GRIK4: variants seen among roughly 807,000 people sequenced by gnomAD.
GRIK4 encodes the protein glutamate ionotropic receptor kainate type subunit 4.
Under a neutral mutation model 104.9 loss-of-function variants are expected in GRIK4, and 40 were observed. The observed-to-expected ratio is 0.38, with a 90% CI of 0.30 to 0.50. The LOEUF is 0.50. Among genes scored for constraint, GRIK4 ranks in the 20% least tolerant of loss-of-function variants. The pLI, the probability that GRIK4 is intolerant of heterozygous loss-of-function variation, is 0.93. For synonymous variants in GRIK4, 485 were observed against 524.9 expected, an observed-to-expected ratio of 0.92 and a Z score of 1.04; for missense variants, 1,047 against 1,308.1, an observed-to-expected ratio of 0.80 and a Z score of 3.08.
intron 3 of GRIK4, among the ~76,000 whole-genome samples, chr11:120,772,238 C>CA (rs553072828): frequency 4.1e-4 from 62 of 151,614 alleles, no homozygotes; most frequent in Admixed American, 6.6e-4. Flanking sequence ...AAACAAAAAA[C>CA]AAAAAAAACC....
At chr11:120,672,693 T>G (rs1565287166) in intron 3 of GRIK4, among the ~76,000 whole-genome samples, 1 of 151,752 alleles carries the variant, frequency 6.6e-6, no homozygotes, top group African/African-American at 2.4e-5. Context: ...TTGTAGCAAT[T>G]GTGAATGCGA....
intron 1 of GRIK4, among the ~76,000 whole-genome samples, chr11:120,650,252 C>T (rs556893562): frequency 3.3e-5 from 5 of 152,352 alleles, no homozygotes; most frequent in African/African-American, 1.2e-4. Context: ...GCCCTCAATG[C>T]AGAGCCTTAT....
chr11:120,670,263 T>TG (rs1949991735), intron 3 of GRIK4, among the ~76,000 whole-genome samples: 1 of 148,156 alleles, frequency 6.7e-6, no homozygotes, highest in Admixed American at 6.6e-5. Flanking sequence ...GCCTCTTTCT[T>TG]GCCCCTCACT....
chr11:120,917,247 CAA>C (rs199620498), intron 13 of GRIK4, among the ~76,000 whole-genome samples: 71 of 34,788 alleles, frequency 2.0e-3, no homozygotes, highest in African/African-American at 6.4e-3. Context: ...AACTCCGTCT[CAA>C]AAAAAAAAAA....
At position 120,874,076 on chromosome 11, in the gene GRIK4, C is replaced by T; in HGVS notation, c.917C>T (p.Ala306Val). The T allele has an allele frequency of 2.5e-6, 4 of 1,608,182 alleles. No individual in the cohort carries two copies. Among genetic ancestry groups the T allele is most frequent in the Non-Finnish European group, 2.6e-6 (3 of 1,175,152 alleles). Reference sequence around the variant, plus strand: ...CCCGGCCTCTCCCAGCTCTCCTCGGCCCTGCTGTTTGATGCTGTCTATGCT... The same window carrying T: ...CCCGGCCTCTCCCAGCTCTCCTCGGTCCTGCTGTTTGATGCTGTCTATGCT... ...VPFTGPALSSALLFDAVYAVV... is the reference protein window; with the variant it reads ...VPFTGPALSSVLLFDAVYAVV... Residue 306 changes from alanine to valine, a missense_variant, in exon 10 of 21, where the codon GCC (alanine) becomes GTC (valine). Coordinates refer to ENST00000527524, the MANE Select transcript of GRIK4 (RefSeq NM_014619.5).
At position 120,700,172 on chromosome 11, in the gene GRIK4, A is replaced by G. The variant is rs187520170; in HGVS notation, c.82+39772A>G. 6.9e-3 allele frequency among the ~76,000 whole-genome samples: 1,056 copies of G among 152,252 alleles called. 6 individuals carry two copies. Among genetic ancestry groups the G allele is most frequent in the Middle Eastern group, 0.027 (8 of 294 alleles). ...GCTGCTAAAATCTACTTATTTAACAAAAACTCCTACTATAGTTACGTGCCA... is the reference window on the plus strand; with the variant it reads ...GCTGCTAAAATCTACTTATTTAACAGAAACTCCTACTATAGTTACGTGCCA... On this transcript the variant is annotated intron_variant, in intron 3 of 20. Coordinates refer to ENST00000527524, the MANE Select transcript of GRIK4 (RefSeq NM_014619.5).
At chr11:120,586,258 G>A (rs1948661515) in intron 1 of GRIK4, among the ~76,000 whole-genome samples, 1 of 152,086 alleles carries the variant, frequency 6.6e-6, no homozygotes, top group South Asian at 2.1e-4. Context: ...AGATAATCTA[G>A]GGGGTGGTTT....
chr11:120,682,997 C>CT (rs1170483355), intron 3 of GRIK4, among the ~76,000 whole-genome samples: 3 of 151,828 alleles, frequency 2.0e-5, no homozygotes, highest in Middle Eastern at 3.2e-3. Context: ...ACTGCTCCCC[C>CT]TCTCTCTTGT....
At chr11:120,897,149 T>C (rs535926752) in intron 11 of GRIK4, among the ~76,000 whole-genome samples, 122 of 151,558 alleles carry the variant, frequency 8.0e-4, no homozygotes, top group African/African-American at 2.9e-3. Flanking sequence ...ACCCCATGTC[T>C]TATTAAAAAA....
chr11:120,744,630 C>T (rs1004874719), intron 3 of GRIK4, among the ~76,000 whole-genome samples: 2 of 151,950 alleles, frequency 1.3e-5, no homozygotes, highest in African/African-American at 4.8e-5. Context: ...CAGGAGGAGA[C>T]ACGGGTAGGG....
At position 120,831,863 on chromosome 11, in the gene GRIK4, C is replaced by G; in HGVS notation, c.523C>G (p.Leu175Val). The change falls in exon 7 of 21, where the codon CTA becomes GTA. Residue 175 changes from leucine to valine, a missense_variant. Transcript: ENST00000527524. The stretch of plus-strand genomic sequence containing the variant: ...TCTCTCCCCTCCAGGCCTTTTAAAC[C>G]TAGAGAAGCTGCTCCGGCAATTCCT... ...ICAKAECLLNLEKLLRQFLIS... is the reference protein window; with the variant it reads ...ICAKAECLLNVEKLLRQFLIS... 2 of 1,613,564 alleles carry G rather than the reference C, an allele frequency of 1.2e-6. No homozygotes were observed. Among genetic ancestry groups the G allele is most frequent in the Non-Finnish European group, 1.7e-6 (2 of 1,179,664 alleles).
chr11:120,594,723 G>A (rs1948778630), intron 1 of GRIK4, among the ~76,000 whole-genome samples: 1 of 152,142 alleles, frequency 6.6e-6, no homozygotes, highest in Non-Finnish European at 1.5e-5. Flanking sequence ...TTCAGGGAAG[G>A]TGTGCCCTCC....
At chr11:120,615,145 G>A (rs966402577) in intron 1 of GRIK4, among the ~76,000 whole-genome samples, 1 of 152,202 alleles carries the variant, frequency 6.6e-6, no homozygotes, top group Non-Finnish European at 1.5e-5. Flanking sequence ...ATCCCATGAA[G>A]CAGGTGTTGT....
intron 3 of GRIK4, among the ~76,000 whole-genome samples, chr11:120,792,312 GA>G (rs1952412485): frequency 6.6e-6 from 1 of 151,702 alleles, no homozygotes; most frequent in Admixed American, 6.6e-5. Flanking sequence ...GGTAGAGAGG[GA>G]TGAGCAGGGA....
chr11:120,605,337 G>A (rs1179399773), intron 1 of GRIK4, among the ~76,000 whole-genome samples: 13 of 152,204 alleles, frequency 8.5e-5, no homozygotes, highest in Admixed American at 4.6e-4. Flanking sequence ...ACAACAGTAG[G>A]TGGGCCAGTC....
rs1433692409 is a variant in GRIK4, at chr11:120,986,028, G to A, written c.2639G>A (p.Arg880Gln). The A allele has an allele frequency of 8.5e-6, 13 of 1,524,846 alleles. 1 individual carries two copies. The Admixed American group carries it at 2.7e-4, about 32-fold the overall frequency. 94.5% of individuals were successfully genotyped at this position (1,524,846 alleles called of 1,614,324 possible). ...PPRPPIPEERRPRGTATLSNG... is the reference protein window; with the variant it reads ...PPRPPIPEERQPRGTATLSNG... ...CGGCCCCCCATCCCCGAGGAGCGCC[G>A]ACCGCGGGGCACGGCGACGCTCAGC... is the stretch of plus-strand genomic sequence containing the variant. Residue 880 changes from arginine (R) to glutamine (Q), a missense_variant, in exon 21 of 21, where the codon CGA (arginine) becomes CAA (glutamine). Transcript: ENST00000527524.
chr11:120,915,014 C>G (rs1943075864), intron 13 of GRIK4, among the ~76,000 whole-genome samples: 1 of 152,230 alleles, frequency 6.6e-6, no homozygotes, highest in East Asian at 1.9e-4. Flanking sequence ...AGGGAGCTCC[C>G]CTTTCCTGTA....
chr11:120,681,693 C>T (rs1950195568), intron 3 of GRIK4, among the ~76,000 whole-genome samples: 1 of 152,190 alleles, frequency 6.6e-6, no homozygotes, highest in African/African-American at 2.4e-5. Context: ...ATAAAGTTTC[C>T]AGCTAACCTA....
intron 9 of GRIK4, among the ~76,000 whole-genome samples, chr11:120,865,516 T>G (rs1432856264): frequency 6.6e-6 from 1 of 152,206 alleles, no homozygotes; most frequent in Admixed American, 6.5e-5. Flanking sequence ...CCTCTCACTC[T>G]TCCCCTGGAC....
Sources: allele counts gnomAD v4.1 joint callset (sites outside exome capture counted in the v4.1 genomes callset), GRCh38; gene constraint gnomAD v4.1.1; transcripts MANE v1.5; gene names NCBI Gene and HGNC (gene_info 2026-07-23, HGNC 2026-07-21).